Variants in PCGF5 observed in about 807,000 individuals in gnomAD.
The protein encoded by PCGF5 is polycomb group RING finger protein 5.
PCGF5 carries 9 observed loss-of-function variants against 44.3 expected under a neutral mutation model. The observed-to-expected ratio is 0.20, with a 90% confidence interval of 0.12 to 0.35. The LOEUF is 0.35. Among genes scored for constraint, PCGF5 ranks in the 10% least tolerant of loss-of-function variants. The probability of loss-of-function intolerance (pLI) is 1.00; values close to 1 mark genes in which losing one functional copy is unlikely to be tolerated. For synonymous variants in PCGF5, 95 were observed against 102.5 expected, an observed-to-expected ratio of 0.93 and a Z score of 0.44; for missense variants, 146 against 305.3, an observed-to-expected ratio of 0.48 and a Z score of 3.89.
intron 1 of PCGF5, among the ~76,000 whole-genome samples, chr10:91,222,191 A>G (rs1011180269): frequency 1.3e-5 from 2 of 152,224 alleles, no homozygotes; most frequent in Non-Finnish European, 1.5e-5. Context: ...TGTGCCTCGT[A>G]GCAGAATATA....
chr10:91,215,458 A>G (rs912136599), upstream of PCGF5, among the ~76,000 whole-genome samples: 1 of 152,248 alleles, frequency 6.6e-6, no homozygotes, highest in Non-Finnish European at 1.5e-5. Flanking sequence ...TTAACGTCAT[A>G]GAAATAAAAA....
At chr10:91,167,061 T>C (rs1234993199) in intron 1 of PCGF5, among the ~76,000 whole-genome samples, 1 of 152,172 alleles carries the variant, frequency 6.6e-6, no homozygotes, top group East Asian at 1.9e-4. Context: ...TATACAGTTC[T>C]CCTGCAATTT....
intron 8 of PCGF5, 140 bp from the exon 9 acceptor site, chr10:91,271,498 C>A: frequency 3.3e-6 from 2 of 599,652 alleles, no homozygotes; most frequent in South Asian, 6.6e-5. Context: ...CAAAAACAAC[C>A]ACCATTTTTT....
upstream of PCGF5, chr10:91,220,132 T>TC (rs1239926292): frequency 2.8e-4 from 30 of 106,482 alleles, no homozygotes; most frequent in African/African-American, 1.1e-3. Context: ...CCACTCACCC[T>TC]CCCCCCACCC....
chr10:91,229,141 C>T lies in PCGF5; in HGVS notation c.112+6158C>T, dbSNP rs148707974. 2.5e-3 allele frequency among the ~76,000 whole-genome samples: 374 copies of T among 152,312 alleles called. 2 individuals carry two copies. Among genetic ancestry groups the T allele is most frequent in the Non-Finnish European group, 3.3e-3 (222 of 68,018 alleles). ...TTGTTTTATTTTACCCAACCAAGAA[C>T]CCTTCTAGTTAGGTGGTATTATTTA... On this transcript the variant is annotated intron_variant, in intron 2 of 9. Transcript: ENST00000336126.
intron 9 of PCGF5, among the ~76,000 whole-genome samples, chr10:91,276,694 A>T (rs1478681552): frequency 6.6e-6 from 1 of 152,204 alleles, no homozygotes; most frequent in Non-Finnish European, 1.5e-5. Context: ...CTGTACCTTT[A>T]TCCCTAGTAG....
At chr10:91,164,374 A>T (rs2133153709) in intron 1 of PCGF5, among the ~76,000 whole-genome samples, 1 of 152,288 alleles carries the variant, frequency 6.6e-6, no homozygotes, top group Non-Finnish European at 1.5e-5. Context: ...TGCGTTCTCG[A>T]AAGAGTTACA....
intron 2 of PCGF5, chr10:91,227,219 A>G: frequency 2.5e-6 from 1 of 406,612 alleles, no homozygotes; most frequent in Non-Finnish European, 4.8e-6. Context: ...TTTCTAACAC[A>G]TGTATTTAGA....
At chr10:91,245,675 A>T (rs1003172313) in intron 3 of PCGF5, among the ~76,000 whole-genome samples, 6 of 152,172 alleles carry the variant, frequency 3.9e-5, no homozygotes, top group Non-Finnish European at 7.4e-5. Context: ...GACAAAAAAA[A>T]TTGTAGCAAC....
At chr10:91,173,683 A>G (rs1304721171) in intron 1 of PCGF5, among the ~76,000 whole-genome samples, 1 of 151,020 alleles carries the variant, frequency 6.6e-6, no homozygotes, top group African/African-American at 2.4e-5. Context: ...AGCAAGATCA[A>G]AAGTATAATA....
chr10:91,259,442 C>CT (rs772430899), intron 6 of PCGF5, among the ~76,000 whole-genome samples: 114 of 152,140 alleles, frequency 7.5e-4, no homozygotes, highest in Non-Finnish European at 1.0e-3. Context: ...AGAAGTTATA[C>CT]TTTATAATCT....
upstream of PCGF5, among the ~76,000 whole-genome samples, chr10:91,158,371 C>T (rs1843344391): frequency 1.3e-5 from 2 of 152,114 alleles, no homozygotes; most frequent in South Asian, 4.1e-4. Flanking sequence ...CTTTCCGGTG[C>T]ATTAGGGTAA....
intron 1 of PCGF5, among the ~76,000 whole-genome samples, chr10:91,221,467 T>C (rs995510385): frequency 1.3e-5 from 2 of 152,198 alleles, no homozygotes; most frequent in African/African-American, 4.8e-5. Context: ...TGATTCCCTG[T>C]CTTTTAATTA....
intron 2 of PCGF5, among the ~76,000 whole-genome samples, chr10:91,237,155 T>C (rs1046987238): frequency 6.6e-6 from 1 of 152,202 alleles, no homozygotes; most frequent in Non-Finnish European, 1.5e-5. Flanking sequence ...ATCTAATTAA[T>C]AGGAATGTAG....
chr10:91,222,503 A>G (rs113881380), intron 1 of PCGF5, among the ~76,000 whole-genome samples, 186 bp from the exon 2 acceptor site: 529 of 152,290 alleles, frequency 3.5e-3, no homozygotes, highest in African/African-American at 0.012. Context: ...CCAGGACTGG[A>G]TGAATTTGTC....
At chr10:91,164,318 C>G (rs1156442630) in intron 1 of PCGF5, among the ~76,000 whole-genome samples, 1 of 152,168 alleles carries the variant, frequency 6.6e-6, no homozygotes, top group Non-Finnish European at 1.5e-5. Flanking sequence ...CTCTTCCACA[C>G]TAACTTTTGG....
At chr10:91,275,512 C>T (rs560773151) in intron 9 of PCGF5, among the ~76,000 whole-genome samples, 1 of 150,822 alleles carries the variant, frequency 6.6e-6, no homozygotes, top group South Asian at 2.1e-4. Context: ...GCGATCTTGG[C>T]TCATTGCAGC....
intron 1 of PCGF5, among the ~76,000 whole-genome samples, chr10:91,165,500 G>A (rs959156296): frequency 3.9e-5 from 6 of 152,140 alleles, no homozygotes; most frequent in African/African-American, 1.4e-4. Flanking sequence ...TTAGTATGAA[G>A]GTTTTTTGTT....
chr10:91,272,279 A>G (rs920163963), intron 9 of PCGF5, among the ~76,000 whole-genome samples: 3 of 152,196 alleles, frequency 2.0e-5, no homozygotes, highest in African/African-American at 7.2e-5. Context: ...TATAGTAAAG[A>G]TTATTGTTGG....
Sources: allele counts gnomAD v4.1 joint callset (sites outside exome capture counted in the v4.1 genomes callset), GRCh38; gene constraint gnomAD v4.1.1; transcripts MANE v1.5; gene names NCBI Gene and HGNC (gene_info 2026-07-23, HGNC 2026-07-21).